The following TMPRSS15 variants were observed in gnomAD, a reference collection of about 807,000 sequenced individuals.
TMPRSS15 encodes the protein transmembrane serine protease 15.
TMPRSS15 carries 128 observed loss-of-function variants against 125.3 expected under a neutral mutation model. The ratio of observed to expected loss-of-function variants is 1.02; its 90% CI spans 0.89 to 1.18. TMPRSS15 has a LOEUF of 1.18. Ranked by LOEUF, TMPRSS15 falls within the 50% of genes most tolerant of loss-of-function variation. The probability of loss-of-function intolerance (pLI) is 0.00; values close to 1 mark genes in which losing one functional copy is unlikely to be tolerated. For synonymous variants in TMPRSS15, 446 were observed against 423.2 expected, an observed-to-expected ratio of 1.05 and a Z score of -0.66; for missense variants, 1,283 against 1,212.7, an observed-to-expected ratio of 1.06 and a Z score of -0.86.
intron 1 of TMPRSS15, among the ~76,000 whole-genome samples, chr21:18,432,409 A>G (rs2076217890): frequency 6.6e-6 from 1 of 152,184 alleles, no homozygotes; most frequent in Admixed American, 6.6e-5. Context: ...CACATGTTGA[A>G]GTCCTAAATC....
At chr21:18,350,291 CT>C (rs1341389887) in intron 10 of TMPRSS15, among the ~76,000 whole-genome samples, 1 of 152,182 alleles carries the variant, frequency 6.6e-6, no homozygotes, top group Non-Finnish European at 1.5e-5. Context: ...CAACACTAAA[CT>C]TTTTTTGTCT....
At chr21:18,427,578 T>C (rs1489584989) in intron 1 of TMPRSS15, among the ~76,000 whole-genome samples, 1 of 152,210 alleles carries the variant, frequency 6.6e-6, no homozygotes. Flanking sequence ...CTTCACCATC[T>C]GAAATAGACC....
chr21:18,380,933 T>C (rs1159107489), intron 4 of TMPRSS15, among the ~76,000 whole-genome samples: 2 of 152,176 alleles, frequency 1.3e-5, no homozygotes, highest in Admixed American at 1.3e-4. Context: ...TAGAACCACT[T>C]GTTTTACACT....
At chr21:18,324,185 A>C (rs1424371466) in intron 16 of TMPRSS15, among the ~76,000 whole-genome samples, 1 of 151,874 alleles carries the variant, frequency 6.6e-6, no homozygotes, top group Non-Finnish European at 1.5e-5. Context: ...TGTATCTTTC[A>C]CTATTAGTTT....
chr21:18,339,926 C>T (rs1289147458), intron 13 of TMPRSS15, among the ~76,000 whole-genome samples: 2 of 152,238 alleles, frequency 1.3e-5, no homozygotes, highest in Admixed American at 6.5e-5. Flanking sequence ...GACACAGGCT[C>T]GATTTGGTTC....
In TMPRSS15 at chr21:18,300,979, T is replaced by C. The variant is rs376609593; in HGVS notation, c.2166-3150A>G. Among the ~76,000 whole-genome samples the C allele has an allele frequency of 7.2e-5, 11 of 152,300 alleles. No homozygotes were observed. The East Asian group carries it at 1.5e-3, about 21-fold the overall frequency. ...CATATACACATGGATAAAAGATGTGTAATCTTATTTTCTGAGATGATCTTT... is the reference window on the plus strand; with the variant it reads ...CATATACACATGGATAAAAGATGTGCAATCTTATTTTCTGAGATGATCTTT... On this transcript the variant is annotated intron_variant, in intron 18 of 24. Transcript: ENST00000284885.
At chr21:18,276,690 T>C (rs1267565334) in intron 23 of TMPRSS15, among the ~76,000 whole-genome samples, 1 of 151,944 alleles carries the variant, frequency 6.6e-6, no homozygotes, top group Non-Finnish European at 1.5e-5. Flanking sequence ...TAGTGAACAA[T>C]ATGTTCATGG....
At chr21:18,331,208 C>A (rs978518140) in intron 14 of TMPRSS15, among the ~76,000 whole-genome samples, 6 of 152,088 alleles carry the variant, frequency 3.9e-5, no homozygotes, top group Non-Finnish European at 8.8e-5. Context: ...CCTATATGCA[C>A]CTATGAAAGT....
intron 1 of TMPRSS15, among the ~76,000 whole-genome samples, chr21:18,479,481 C>T (rs1037320399): frequency 6.6e-6 from 1 of 151,828 alleles, no homozygotes; most frequent in Non-Finnish European, 1.5e-5. Context: ...TGCATCATGG[C>T]AATTTTCTTT....
chr21:18,409,847 C>A (rs1209278066), intron 1 of TMPRSS15, among the ~76,000 whole-genome samples: 1 of 104,388 alleles, frequency 9.6e-6, no homozygotes, highest in African/African-American at 3.8e-5. Flanking sequence ...CCTCCTTTCC[C>A]CCTTCCTTCC....
intron 1 of TMPRSS15, among the ~76,000 whole-genome samples, chr21:18,399,928 G>A (rs533249270): frequency 5.3e-5 from 8 of 151,946 alleles, no homozygotes; most frequent in Non-Finnish European, 1.0e-4. Context: ...ATTTCTATAC[G>A]CTAAATACAT....
chr21:18,298,776 C>T (rs1325652493), intron 18 of TMPRSS15, among the ~76,000 whole-genome samples: 7 of 152,098 alleles, frequency 4.6e-5, no homozygotes, highest in Non-Finnish European at 8.8e-5. Flanking sequence ...GATGGACCCA[C>T]CCATTGCCTC....
upstream of TMPRSS15, among the ~76,000 whole-genome samples, chr21:18,408,759 T>C (rs1007882495): frequency 6.6e-6 from 1 of 152,132 alleles, no homozygotes; most frequent in African/African-American, 2.4e-5. Context: ...TTATTAAATG[T>C]CTTTATCATT....
At chr21:18,450,122 CTCAT>C (rs1211687741) in intron 1 of TMPRSS15, among the ~76,000 whole-genome samples, 3 of 152,076 alleles carry the variant, frequency 2.0e-5, no homozygotes, top group South Asian at 2.1e-4. Context: ...CAGCATATAG[CTCAT>C]TCAATGTACA....
chr21:18,480,626 C>T (rs1403464490), intron 1 of TMPRSS15, among the ~76,000 whole-genome samples: 1 of 151,742 alleles, frequency 6.6e-6, no homozygotes, highest in Non-Finnish European at 1.5e-5. Context: ...GCAGACTTAC[C>T]TATATGCTCT....
intron 17 of TMPRSS15, among the ~76,000 whole-genome samples, chr21:18,313,483 T>A (rs1465679883): frequency 6.6e-6 from 1 of 151,200 alleles, no homozygotes; most frequent in Non-Finnish European, 1.5e-5. Flanking sequence ...AGAATTAAAT[T>A]TTTCAAATAT....
chr21:18,319,814 A>C (rs2075215607), intron 16 of TMPRSS15, among the ~76,000 whole-genome samples: 1 of 152,228 alleles, frequency 6.6e-6, no homozygotes, highest in South Asian at 2.1e-4. Flanking sequence ...ATAAGAAAAC[A>C]TACCTAATCC....
chr21:18,444,794 A>G lies in TMPRSS15; in HGVS notation c.10+41005T>C, dbSNP rs150895627. ...ACCCTACTGTGCAATGGAATGCCAG[A>G]ACATTTTCCTCCTATTTAACTGTAA... On this transcript the variant is annotated intron_variant, in intron 1 of 7. Coordinates refer to the TMPRSS15 transcript ENST00000422787. 5.5e-3 allele frequency among the ~76,000 whole-genome samples: 838 copies of G among 152,206 alleles called. 5 individuals are homozygous for G. Among genetic ancestry groups the G allele is most frequent in the Middle Eastern group, 0.014 (4 of 294 alleles).
chr21:18,421,360 C>T (rs978118032), intron 1 of TMPRSS15, among the ~76,000 whole-genome samples: 2 of 152,064 alleles, frequency 1.3e-5, no homozygotes, highest in African/African-American at 2.4e-5. Context: ...AAAACCTTGG[C>T]GTCTTGTTAC....
Sources: allele counts gnomAD v4.1 joint callset (sites outside exome capture counted in the v4.1 genomes callset), GRCh38; gene constraint gnomAD v4.1.1; transcripts MANE v1.5; gene names NCBI Gene and HGNC (gene_info 2026-07-23, HGNC 2026-07-21).